Variants in SHCBP1 observed in about 807,000 individuals in gnomAD.
SHCBP1 encodes SHC SH2 domain-binding protein 1.
A neutral mutation model predicts 75.1 loss-of-function variants in SHCBP1; 60 were observed. The observed-to-expected ratio is 0.80, with a 90% CI of 0.65 to 0.99. SHCBP1 has a LOEUF of 0.99. SHCBP1 is among the 50% of genes least tolerant of loss of function. The pLI is 0.00. For synonymous variants in SHCBP1, 290 were observed against 293.2 expected (o/e 0.99, Z 0.11); for missense variants, 709 against 809.4 (o/e 0.88, Z 1.50).
At chr16:46,603,268 G>A (rs1056835193) in intron 8 of SHCBP1, among the ~76,000 whole-genome samples, 2 of 151,906 alleles carry the variant, frequency 1.3e-5, no homozygotes, top group Non-Finnish European at 2.9e-5. Context: ...CCTACAATCT[G>A]GAAAGTATGC....
chr16:46,597,144 T>C (rs1196432888), intron 9 of SHCBP1, among the ~76,000 whole-genome samples: 1 of 152,182 alleles, frequency 6.6e-6, no homozygotes. Flanking sequence ...ATTTTTTTGG[T>C]TTCCCAGTGC....
rs767089061 is a variant in SHCBP1, at chr16:46,581,835, A to C, written c.1913T>G (p.Ile638Ser). 9 of 1,614,158 alleles carry C rather than the reference A, an allele frequency of 5.6e-6. No homozygotes were observed. The South Asian group carries it at 9.9e-5, about 18-fold the overall frequency. The change falls in exon 13 of 13, where the codon ATC becomes AGC. Residue 638 changes from isoleucine (I) to serine (S), a missense_variant. Ile to Ser is a moderately radical substitution (Grantham distance 142). Coordinates refer to ENST00000303383, the MANE Select transcript of SHCBP1 (RefSeq NM_024745.5). ...IKKKRLSELG[I>S]TQADDNLMSQ... ...CATTAAGTTGTCATCAGCTTGCGTG[A>C]TCCCCAGTTCACTCAACCTTTTCTT...
chr16:46,595,087 A>C (rs1387777768), intron 10 of SHCBP1, among the ~76,000 whole-genome samples: 1 of 152,186 alleles, frequency 6.6e-6, no homozygotes, highest in Non-Finnish European at 1.5e-5. Context: ...GTTAAGGAAG[A>C]GGTTGGTGGG....
chr16:46,606,083 C>G (rs1350318549), intron 5 of SHCBP1, among the ~76,000 whole-genome samples: 1 of 152,138 alleles, frequency 6.6e-6, no homozygotes, highest in Non-Finnish European at 1.5e-5. Context: ...AAATAAGTCT[C>G]TTAGCACTTC....
chr16:46,614,307 G>C (rs996628394), intron 4 of SHCBP1, among the ~76,000 whole-genome samples: 1 of 152,134 alleles, frequency 6.6e-6, no homozygotes, highest in Admixed American at 6.5e-5. Context: ...TAATGGTATA[G>C]AAAATAGAAA....
chr16:46,594,856 A>G lies in SHCBP1; in HGVS notation c.1464+696T>C, dbSNP rs1214018703. On this transcript the variant is annotated intron_variant, in intron 10 of 12. Transcript: ENST00000303383. Reference sequence around the variant, plus strand: ...GGAGACAATCTAGACATCCTTCCACAAGTGACAAAACAAACCGTGGAACAA... The same window carrying G: ...GGAGACAATCTAGACATCCTTCCACGAGTGACAAAACAAACCGTGGAACAA... Among the ~76,000 whole-genome samples, 3 of 152,194 alleles carry G rather than the reference A, an allele frequency of 2.0e-5. No homozygotes were observed. The East Asian group carries it at 5.8e-4, about 29-fold the overall frequency.
intron 10 of SHCBP1, chr16:46,584,360 C>G (rs1212600830): frequency 3.9e-6 from 1 of 254,140 alleles, no homozygotes; most frequent in Admixed American, 5.4e-5. Flanking sequence ...GATTCTTGCT[C>G]TACTCTCTTT....
chr16:46,606,013 AAAG>A (rs1477370873), intron 5 of SHCBP1, among the ~76,000 whole-genome samples: 1 of 152,152 alleles, frequency 6.6e-6, no homozygotes, highest in Non-Finnish European at 1.5e-5. Flanking sequence ...AAAATAAAAA[AAAG>A]AAATTGAGGA....
chr16:46,584,350 G>T (rs1964922545), intron 10 of SHCBP1: 1 of 267,588 alleles, frequency 3.7e-6, no homozygotes, highest in Non-Finnish European at 7.0e-6. Context: ...GCCAACACTT[G>T]ATTCTTGCTC....
At chr16:46,617,281 TA>T (rs896700493) in intron 3 of SHCBP1, among the ~76,000 whole-genome samples, 1 of 151,912 alleles carries the variant, frequency 6.6e-6, no homozygotes, top group Non-Finnish European at 1.5e-5. Flanking sequence ...GACTTCATCT[TA>T]AAAAAAATAA....
intron 9 of SHCBP1, among the ~76,000 whole-genome samples, chr16:46,599,230 C>G (rs1266012987): frequency 1.3e-5 from 2 of 152,180 alleles, no homozygotes; most frequent in African/African-American, 4.8e-5. Context: ...GTCAGCCTAT[C>G]TCAGCTTTCG....
Position 46,578,861 on chromosome 16 carries a change from CAT to C in SHCBP1, c.*2866_*2867del, listed in dbSNP as rs771947785. 6.6e-6 allele frequency among the ~76,000 whole-genome samples: 1 copy of C among 152,248 alleles called. No individual in the cohort carries two copies. The highest frequency in any genetic ancestry group is 1.9e-4 in the East Asian group (1 of 5,182). On this transcript the variant is annotated 3_prime_UTR_variant, in exon 13 of 13. Transcript: ENST00000303383. ...AACAGCAAACTGAATTACAAAGAAA[CAT>C]GAACGACACGGTTCTTATGAGCTCA...
intron 8 of SHCBP1, among the ~76,000 whole-genome samples, chr16:46,600,466 C>T (rs1965215314): frequency 1.3e-5 from 2 of 151,466 alleles, no homozygotes; most frequent in South Asian, 2.1e-4. Context: ...GAATGAGACC[C>T]CATCTCAAAA....
chr16:46,588,566 A>C (rs2142998014), intron 10 of SHCBP1, among the ~76,000 whole-genome samples: 1 of 152,306 alleles, frequency 6.6e-6, no homozygotes, highest in South Asian at 2.1e-4. Flanking sequence ...AAACTAGAAA[A>C]TCTAGAAGAA....
At chr16:46,613,440 C>A (rs1477380487) in intron 4 of SHCBP1, among the ~76,000 whole-genome samples, 1 of 152,192 alleles carries the variant, frequency 6.6e-6, no homozygotes, top group East Asian at 1.9e-4. Context: ...GCTAACAAAT[C>A]CCCGCACTGT....
At chr16:46,587,055 T>G (rs1428408772) in intron 10 of SHCBP1, among the ~76,000 whole-genome samples, 1 of 152,200 alleles carries the variant, frequency 6.6e-6, no homozygotes, top group East Asian at 1.9e-4. Flanking sequence ...TACAATAAGC[T>G]TTCCTTCTCT....
chr16:46,586,441 A>C (rs1247156587), intron 10 of SHCBP1, among the ~76,000 whole-genome samples: 1 of 152,218 alleles, frequency 6.6e-6, no homozygotes, highest in African/African-American at 2.4e-5. Context: ...GAAAAAGAAA[A>C]GTAAACAGAG....
At chr16:46,619,625 T>C (rs1965554677) in intron 1 of SHCBP1, among the ~76,000 whole-genome samples, 1 of 152,248 alleles carries the variant, frequency 6.6e-6, no homozygotes, top group Non-Finnish European at 1.5e-5. Flanking sequence ...TTACATAATG[T>C]ATATGTTTGT....
At chr16:46,582,965 A>C (rs977401248) in intron 12 of SHCBP1, among the ~76,000 whole-genome samples, 3 of 152,218 alleles carry the variant, frequency 2.0e-5, no homozygotes, top group African/African-American at 7.2e-5. Context: ...TCATAGCTTG[A>C]AGTTCACAGA....
Sources: gnomAD v4.1 joint callset for allele counts (sites outside exome capture counted in the v4.1 genomes callset) on GRCh38, gnomAD v4.1.1 for gene constraint, MANE v1.5 for transcripts, NCBI Gene and HGNC (gene_info 2026-07-23, HGNC 2026-07-21) for gene names.